Variants in TG observed in about 807,000 individuals in gnomAD.
The protein encoded by TG is thyroglobulin.
TG carries 270 observed loss-of-function variants against 324.7 expected under a neutral mutation model. The ratio of observed to expected loss-of-function variants is 0.83; its 90% CI spans 0.75 to 0.92. TG has a LOEUF of 0.92. Ranked by LOEUF, TG falls within the 40% of genes least tolerant of loss-of-function variation. TG has a pLI of 0.00. For missense variants in TG, 3,591 were observed against 3,456.4 expected, an observed-to-expected ratio of 1.04 and a Z score of -0.98; for synonymous variants, 1,401 against 1,327.0, an observed-to-expected ratio of 1.06 and a Z score of -1.21.
At position 132,887,604 on chromosome 8, in the gene TG, AC is replaced by A. The variant is rs1233779116; in HGVS notation, c.2176+59del. ...TCCCTGAGTCTCTCTTTAGGCCCTG[AC>A]CCAATGCAGTACAGTAATAGAAATC... On this transcript the variant is annotated intron_variant, in intron 9 of 47. Transcript: ENST00000220616. 10 of 1,610,730 alleles carry A rather than the reference AC, an allele frequency of 6.2e-6. No homozygotes were observed. In the Admixed American group the frequency reaches 6.7e-5, roughly 11 times the overall value.
At chr8:132,935,728 T>A (rs1312640408) in intron 24 of TG, 28 bp from the exon 25 acceptor site, 1 of 1,562,944 alleles carries the variant, frequency 6.4e-7, no homozygotes, top group Non-Finnish European at 8.8e-7. Context: ...TATTGCAGGA[T>A]AATAATGCAG....
At chr8:132,938,797 A>T (rs569965683) in intron 25 of TG, among the ~76,000 whole-genome samples, 1 of 152,188 alleles carries the variant, frequency 6.6e-6, no homozygotes, top group African/African-American at 2.4e-5. Context: ...TTACGCCAGT[A>T]ATCTTAGCAC....
chr8:133,118,563 G>T (rs1297472671), intron 45 of TG, among the ~76,000 whole-genome samples: 1 of 152,122 alleles, frequency 6.6e-6, no homozygotes, highest in African/African-American at 2.4e-5. Context: ...GACCTCAAGT[G>T]ATCGATCTGC....
Position 132,898,165 on chromosome 8 carries a change from C to G in TG, c.3140-4C>G. 1 of 1,598,354 alleles carries G rather than the reference C, an allele frequency of 6.3e-7. No individual in the cohort carries two copies. Among genetic ancestry groups the G allele is most frequent in the Non-Finnish European group, 8.5e-7 (1 of 1,171,620 alleles). ...TGAATGTTCTCCCCTTGGCTCTTTT[C>G]CAGGGCACTGCTGGTGTGTAGATGA... is the stretch of plus-strand genomic sequence containing the variant. On this transcript the variant is annotated splice_region_variant and splice_polypyrimidine_tract_variant and intron_variant, in intron 12 of 47. Coordinates refer to ENST00000220616, the MANE Select transcript of TG (RefSeq NM_003235.5).
intron 20 of TG, among the ~76,000 whole-genome samples, chr8:132,915,211 C>T (rs1820120808): frequency 6.6e-6 from 1 of 152,136 alleles, no homozygotes; most frequent in Non-Finnish European, 1.5e-5. Context: ...CAGGAGGCTC[C>T]TTGGCCTCAG....
chr8:133,041,404 T>C (rs1838213762), intron 41 of TG, among the ~76,000 whole-genome samples: 1 of 152,250 alleles, frequency 6.6e-6, no homozygotes, highest in African/African-American at 2.4e-5. Context: ...TCAGTCCGAC[T>C]TCAACTGTGA....
At chr8:133,057,522 G>GGT (rs1841664320) in intron 41 of TG, among the ~76,000 whole-genome samples, 1 of 152,068 alleles carries the variant, frequency 6.6e-6, no homozygotes, top group African/African-American at 2.4e-5. Flanking sequence ...CTTCTTTGCT[G>GGT]GTGCCTGCCC....
chr8:132,953,330 G>C (rs970123309), intron 27 of TG, among the ~76,000 whole-genome samples: 1 of 152,160 alleles, frequency 6.6e-6, no homozygotes, highest in Admixed American at 6.5e-5. Context: ...GTAGATGTGA[G>C]GGTGAGGTGA....
In TG at chr8:133,122,926, G is replaced by A. The variant is rs117920234; in HGVS notation, c.7862+6210G>A. ...TGTTTTAGGAAGTGGGATTTCCAGC[G>A]CGGCCTGTAATCCAGGGCTTCTCAA... On this transcript the variant is annotated intron_variant, in intron 45 of 47. Transcript: ENST00000220616. Among the ~76,000 whole-genome samples the A allele has an allele frequency of 3.9e-4, 60 of 152,200 alleles. No individual in the cohort carries two copies. In the East Asian group the frequency reaches 0.01, roughly 26 times the overall value.
At chr8:133,113,647 T>C in intron 44 of TG, 44 bp downstream of exon 44, 1 of 1,601,000 alleles carries the variant, frequency 6.2e-7, no homozygotes, top group South Asian at 1.1e-5. Flanking sequence ...CTGCTATGTT[T>C]TGGAGCAGAC....
At chr8:132,959,625 G>A (rs1387385031) in intron 27 of TG, among the ~76,000 whole-genome samples, 1 of 152,186 alleles carries the variant, frequency 6.6e-6, no homozygotes, top group Admixed American at 6.5e-5. Flanking sequence ...GGTAAGAGAT[G>A]CATGGCTGTA....
chr8:132,867,255 C>T (rs916429460), intron 1 of TG, among the ~76,000 whole-genome samples, 188 bp downstream of exon 1: 2 of 151,962 alleles, frequency 1.3e-5, no homozygotes, highest in African/African-American at 4.8e-5. Context: ...CTTGAGGTCA[C>T]AGAGCTAGTG....
chr8:132,929,300 C>A, intron 23 of TG, 108 bp downstream of exon 23: 1 of 837,710 alleles, frequency 1.2e-6, no homozygotes, highest in Non-Finnish European at 2.0e-6. Flanking sequence ...AATTTAAAAA[C>A]ATACTTTATC....
intron 41 of TG, chr8:133,060,250 C>T (rs1475724156): frequency 1.2e-6 from 2 of 1,611,374 alleles, no homozygotes; most frequent in Non-Finnish European, 1.7e-6. Context: ...CTGAGCCCTC[C>T]AAGTGGAGAA....
rs1424929648 is a variant in TG, at chr8:132,948,811, G to T, written c.5269G>T (p.Val1757Phe). ...CTGTGGGTTGCTGAGCTCACCCAGT[G>T]TCCTGCTTTGTAATGTCAAAGACTG... ...IICGLLSSPS[V>F]LLCNVKDWMD... Residue 1757 changes from valine to phenylalanine, a missense_variant, in exon 27 of 48, where the codon GTC becomes TTC. Transcript: ENST00000220616. 7 of 1,614,046 alleles carry T rather than the reference G, an allele frequency of 4.3e-6. No individual in the cohort carries two copies. The highest frequency in any genetic ancestry group is 3.3e-5 in the South Asian group (3 of 91,076).
chr8:132,943,471 C>T (rs1311194210), intron 26 of TG, among the ~76,000 whole-genome samples: 2 of 152,148 alleles, frequency 1.3e-5, no homozygotes, highest in Non-Finnish European at 2.9e-5. Flanking sequence ...ATTACCCGGC[C>T]TCAGGTATTT....
At chr8:132,968,987 G>A (rs948694617) in intron 31 of TG, among the ~76,000 whole-genome samples, 8 of 152,118 alleles carry the variant, frequency 5.3e-5, no homozygotes, top group African/African-American at 1.2e-4. Flanking sequence ...ATCTTCTTCC[G>A]TGGTGGGGAG....
Position 132,893,930 on chromosome 8 carries a change from G to GT in TG, c.3001+2dup, listed in dbSNP as rs770018022. 1.2e-6 allele frequency: 2 copies of GT among 1,613,944 alleles called. No individual in the cohort carries two copies. The highest frequency in any genetic ancestry group is 2.7e-5 in the African/African-American group (2 of 74,888). On this transcript the variant is annotated splice_donor_variant, in intron 11 of 47. Coordinates refer to ENST00000220616, the MANE Select transcript of TG (RefSeq NM_003235.5). LOFTEE classifies it high-confidence loss of function. ...GCCATTCGCCTGGCGGCTCAGTCTA[G>GT]TGAGTGTGGTGCCCTTCAGCTTTCT...
chr8:132,900,468 C>T (rs962754566), intron 15 of TG, 129 bp downstream of exon 15: 25 of 817,110 alleles, frequency 3.1e-5, no homozygotes, highest in Non-Finnish European at 4.6e-5. Flanking sequence ...CTGCTGACCT[C>T]ACTATGCCTC....
Sources: gnomAD v4.1 joint callset for allele counts (sites outside exome capture counted in the v4.1 genomes callset) on GRCh38, gnomAD v4.1.1 for gene constraint, MANE v1.5 for transcripts, NCBI Gene and HGNC (gene_info 2026-07-23, HGNC 2026-07-21) for gene names.